Variants in RNF212 observed in about 807,000 individuals in gnomAD.
RNF212 encodes the protein ring finger protein 212.
RNF212 carries 33 observed loss-of-function variants against 34.7 expected under a neutral mutation model. The observed-to-expected ratio is 0.95, with a 90% CI of 0.72 to 1.27. The LOEUF is 1.27. Among genes scored for constraint, RNF212 ranks in the 50% most tolerant of loss-of-function variants. RNF212 has a pLI of 0.00. For synonymous variants in RNF212, 140 were observed against 136.1 expected (o/e 1.03, Z -0.20); for missense variants, 377 against 362.2 (o/e 1.04, Z -0.33).
At chr4:1,094,504 C>T (rs569439848) in intron 3 of RNF212, among the ~76,000 whole-genome samples, 137 of 152,268 alleles carry the variant, frequency 9.0e-4, no homozygotes, top group Non-Finnish European at 4.7e-4. Flanking sequence ...AGGACTGGCA[C>T]AGCAGCTGGT....
intron 4 of RNF212, among the ~76,000 whole-genome samples, chr4:1,088,522 C>T (rs550508142): frequency 2.5e-4 from 38 of 152,258 alleles, no homozygotes; most frequent in Non-Finnish European, 5.0e-4. Context: ...AATTGCAGCG[C>T]GACCATGCAG....
At chr4:1,111,979 G>A (rs940947718) in intron 1 of RNF212, among the ~76,000 whole-genome samples, 2 of 152,182 alleles carry the variant, frequency 1.3e-5, no homozygotes, top group African/African-American at 4.8e-5. Context: ...GGAGGCCAAG[G>A]CCGGTGATTG....
chr4:1,075,448 A>AG (rs1336559467), intron 8 of RNF212, among the ~76,000 whole-genome samples: 5 of 152,170 alleles, frequency 3.3e-5, no homozygotes, highest in Admixed American at 3.3e-4. Context: ...GGCGCGTTGC[A>AG]GGGCGAGCAG....
chr4:1,076,384 G>A (rs893717087), intron 8 of RNF212, among the ~76,000 whole-genome samples: 18 of 152,226 alleles, frequency 1.2e-4, no homozygotes, highest in African/African-American at 4.1e-4. Context: ...TCCACCCAAT[G>A]AGAGACCCTT....
At chr4:1,073,216 G>A in intron 9 of RNF212, 23 bp from the exon 10 acceptor site, 1 of 1,609,260 alleles carries the variant, frequency 6.2e-7, no homozygotes, top group Non-Finnish European at 8.5e-7. Flanking sequence ...GCAGGAGACA[G>A]CGTGTGGGGA....
Position 1,081,477 on chromosome 4 carries a change from T to A in RNF212, c.416-10A>T. Reference sequence around the variant, plus strand: ...CATCCGTGTGGTTTTGCTGGAAGAGTGATGACGAAAATGCCAGCGTCAGTG... The same window carrying A: ...CATCCGTGTGGTTTTGCTGGAAGAGAGATGACGAAAATGCCAGCGTCAGTG... On this transcript the variant is annotated splice_polypyrimidine_tract_variant and intron_variant, in intron 6 of 9. Coordinates refer to ENST00000433731, the MANE Select transcript of RNF212 (RefSeq NM_001131034.4). 2 of 1,613,732 alleles carry A rather than the reference T, an allele frequency of 1.2e-6. No individual in the cohort carries two copies. Among genetic ancestry groups the A allele is most frequent in the Non-Finnish European group, 1.7e-6 (2 of 1,179,848 alleles).
intron 8 of RNF212, among the ~76,000 whole-genome samples, 197 bp downstream of exon 8, chr4:1,079,446 C>G (rs1242269206): frequency 6.6e-6 from 1 of 152,258 alleles, no homozygotes; most frequent in African/African-American, 2.4e-5. Context: ...GCCATTCAGG[C>G]AGAACAGGAG....
At chr4:1,080,142 A>G (rs1029536605) in intron 7 of RNF212, among the ~76,000 whole-genome samples, 2 of 152,166 alleles carry the variant, frequency 1.3e-5, no homozygotes, top group Non-Finnish European at 2.9e-5. Flanking sequence ...TAGTTCCTTC[A>G]TTTGCCAAAG....
At chr4:1,057,126 C>T (rs751417334) in intron 4 of RNF212, 12 of 294,460 alleles carry the variant, frequency 4.1e-5, no homozygotes, top group Non-Finnish European at 5.1e-5. Context: ...CTGAGAACCT[C>T]GGAGCAGCAC....
At chr4:1,060,273 C>T (rs142327619) in intron 3 of RNF212, among the ~76,000 whole-genome samples, 60 of 152,304 alleles carry the variant, frequency 3.9e-4, no homozygotes, top group African/African-American at 1.3e-3. Flanking sequence ...ATCTCAGACC[C>T]GAAAGACCCC....
chr4:1,078,189 TAAATC>T (rs1368211485), intron 8 of RNF212, among the ~76,000 whole-genome samples: 1 of 152,064 alleles, frequency 6.6e-6, no homozygotes, highest in African/African-American at 2.4e-5. Context: ...AAGCAACACA[TAAATC>T]AAATAAGCCA....
At position 1,073,765 on chromosome 4, in the gene RNF212, T is replaced by A. The variant is rs1718811388; in HGVS notation, c.511-103A>T. Reference sequence around the variant, plus strand: ...GGAACACATTTCCCAGAACCCCATCTCCCTCATCTTTATCGCCCTCTGACA... The same window carrying A: ...GGAACACATTTCCCAGAACCCCATCACCCTCATCTTTATCGCCCTCTGACA... On this transcript the variant is annotated intron_variant, in intron 8 of 9. Transcript: ENST00000433731. 23 of 766,146 alleles carry A rather than the reference T, an allele frequency of 3.0e-5. No individual in the cohort carries two copies. The South Asian group carries it at 3.2e-4, about 11-fold the overall frequency. 47.5% of individuals were successfully genotyped at this position (766,146 alleles called of 1,614,324 possible). A position where few individuals can be genotyped will look rare whatever the true frequency, so the allele number is the denominator to read the frequency against.
chr4:1,099,395 CAGGG>C (rs1723571131), intron 2 of RNF212, among the ~76,000 whole-genome samples: 1 of 152,020 alleles, frequency 6.6e-6, no homozygotes, highest in Admixed American at 6.6e-5. Flanking sequence ...CAGCGAGGAG[CAGGG>C]AAGAGGGGGA....
At position 1,093,579 on chromosome 4, in the gene RNF212, G is replaced by A. The variant is rs779100940; in HGVS notation, c.247-2741C>T. ...TGCCGGAAGCCTGAGAGGCACGAGA[G>A]GCAGAGCAGACAGGTGGCTGGAGGG... On this transcript the variant is annotated intron_variant, in intron 3 of 9. Transcript: ENST00000433731. 30 of 1,535,958 alleles carry A rather than the reference G, an allele frequency of 2.0e-5. No homozygotes were observed. In the South Asian group the frequency reaches 3.5e-4, roughly 18 times the overall value.
At chr4:1,089,088 T>C (rs1176393643) in intron 4 of RNF212, among the ~76,000 whole-genome samples, 1 of 152,204 alleles carries the variant, frequency 6.6e-6, no homozygotes, top group Non-Finnish European at 1.5e-5. Flanking sequence ...AGAGGGCCAC[T>C]GTCCTCCAGA....
At chr4:1,066,211 C>CTA (rs1718086519) in intron 3 of RNF212, among the ~76,000 whole-genome samples, 1 of 152,114 alleles carries the variant, frequency 6.6e-6, no homozygotes, top group African/African-American at 2.4e-5. Flanking sequence ...GCATGAGCCA[C>CTA]TATACCCAGC....
chr4:1,073,013 G>A lies in RNF212; in HGVS notation c.755C>T (p.Thr252Ile), dbSNP rs1375087239. 3.1e-6 allele frequency: 5 copies of A among 1,614,166 alleles called. No homozygotes were observed. The highest frequency in any genetic ancestry group is 4.2e-6 in the Non-Finnish European group (5 of 1,180,014). ...TTGTACCTCAGCATATATTGGAAGTGTTTTAGAGTTGGTGAGTTCCCCGTG... is the reference window on the plus strand; with the variant it reads ...TTGTACCTCAGCATATATTGGAAGTATTTTAGAGTTGGTGAGTTCCCCGTG... Reference protein sequence around the residue: ...GRHGELTNSKTLPIYAEVQRA... With the variant: ...GRHGELTNSKILPIYAEVQRA... Residue 252 changes from threonine to isoleucine, a missense_variant, in exon 10 of 10, where the codon ACA becomes ATA. Physicochemically the swap from Thr to Ile is moderately conservative, Grantham distance 89. Coordinates refer to ENST00000433731, the MANE Select transcript of RNF212 (RefSeq NM_001131034.4).
intron 3 of RNF212, among the ~76,000 whole-genome samples, chr4:1,061,231 C>A (rs570884634): frequency 5.9e-5 from 9 of 152,318 alleles, no homozygotes; most frequent in African/African-American, 1.7e-4. Context: ...CCCCCTACCC[C>A]ACTCTACCCA....
intron 3 of RNF212, among the ~76,000 whole-genome samples, chr4:1,091,579 T>G (rs963423106): frequency 6.6e-6 from 1 of 152,134 alleles, no homozygotes; most frequent in African/African-American, 2.4e-5. Flanking sequence ...CACCTTGCCA[T>G]CTGCGATGAT....
Sources: gnomAD v4.1 joint callset for allele counts (sites outside exome capture counted in the v4.1 genomes callset) on GRCh38, gnomAD v4.1.1 for gene constraint, MANE v1.5 for transcripts, NCBI Gene and HGNC (gene_info 2026-07-23, HGNC 2026-07-21) for gene names.